The following RARRES1 variants were observed in gnomAD, a reference collection of about 807,000 sequenced individuals.
The protein encoded by RARRES1 is retinoic acid receptor responder 1.
A neutral mutation model predicts 30.6 loss-of-function variants in RARRES1; 34 were observed. The ratio of observed to expected loss-of-function variants is 1.11; its 90% confidence interval spans 0.84 to 1.48. RARRES1 has a LOEUF of 1.48. Among genes scored for constraint, RARRES1 ranks in the 40% most tolerant of loss-of-function variants. The pLI is 0.00. For synonymous variants in RARRES1, 153 were observed against 155.5 expected (o/e 0.98, Z 0.12); for missense variants, 373 against 386.5 (o/e 0.97, Z 0.29).
chr3:158,707,646 T>A (rs1726970047), intron 3 of RARRES1, among the ~76,000 whole-genome samples: 1 of 152,176 alleles, frequency 6.6e-6, no homozygotes, highest in African/African-American at 2.4e-5. Flanking sequence ...TGCATGAGGC[T>A]GGGATGTGGG....
chr3:158,715,556 T>C (rs1291499012), intron 1 of RARRES1, among the ~76,000 whole-genome samples: 1 of 152,122 alleles, frequency 6.6e-6, no homozygotes, highest in Non-Finnish European at 1.5e-5. Context: ...ACACAGGGCG[T>C]TGTGAACAGT....
intron 2 of RARRES1, among the ~76,000 whole-genome samples, chr3:158,712,607 A>C (rs1727173034): frequency 6.6e-6 from 1 of 152,098 alleles, no homozygotes; most frequent in Admixed American, 6.6e-5. Flanking sequence ...GAAGAGGCTT[A>C]TGAAAGGGCA....
At chr3:158,727,700 G>T (rs541688631) in intron 1 of RARRES1, among the ~76,000 whole-genome samples, 15 of 152,192 alleles carry the variant, frequency 9.9e-5, no homozygotes, top group Non-Finnish European at 1.9e-4. Context: ...CCAACTGTGG[G>T]TCCTGAGCCT....
intron 4 of RARRES1, among the ~76,000 whole-genome samples, chr3:158,701,624 A>G (rs1370842885): frequency 1.3e-5 from 2 of 152,172 alleles, no homozygotes; most frequent in African/African-American, 4.8e-5. Context: ...CTCTCAGAAC[A>G]GTATTTAGAC....
chr3:158,727,758 G>T (rs1218850950), intron 1 of RARRES1, among the ~76,000 whole-genome samples: 9 of 152,206 alleles, frequency 5.9e-5, no homozygotes, highest in African/African-American at 2.2e-4. Context: ...TTATGGAAAG[G>T]TAGTGTAAGG....
At chr3:158,709,189 C>G (rs915073486) in intron 3 of RARRES1, among the ~76,000 whole-genome samples, 3 of 152,102 alleles carry the variant, frequency 2.0e-5, no homozygotes, top group African/African-American at 7.2e-5. Flanking sequence ...ATAGAATGGT[C>G]CCTATGGATA....
chr3:158,724,271 A>T (rs1727604710), intron 1 of RARRES1, among the ~76,000 whole-genome samples: 1 of 152,176 alleles, frequency 6.6e-6, no homozygotes, highest in Non-Finnish European at 1.5e-5. Context: ...TAGGCTGAAT[A>T]ATGCCCCCCC....
intron 1 of RARRES1, among the ~76,000 whole-genome samples, chr3:158,718,266 C>T (rs1727389573): frequency 6.6e-6 from 1 of 152,178 alleles, no homozygotes; most frequent in African/African-American, 2.4e-5. Context: ...GTGTGAGCCA[C>T]TGTGCCTGGC....
At chr3:158,724,525 G>T (rs908666107) in intron 1 of RARRES1, among the ~76,000 whole-genome samples, 3 of 152,244 alleles carry the variant, frequency 2.0e-5, no homozygotes, top group Non-Finnish European at 2.9e-5. Context: ...GAGCACAGGT[G>T]GTCTCTAGAA....
At chr3:158,720,233 G>GCTGGTGTGTGTGTGTGTGTGTGTGTGTGT (rs1727461746) in intron 1 of RARRES1, among the ~76,000 whole-genome samples, 1 of 139,266 alleles carries the variant, frequency 7.2e-6, no homozygotes, top group African/African-American at 2.8e-5. Context: ...GCTGGCTGCT[G>GCTGGTGTGTGTGTGTGTGTGTGTGTGTGT]GTGTGTGTGT....
rs557362989 is a variant in RARRES1 at position 158,713,726 on chromosome 3, T to G, written c.339+71A>C. 7 of 1,409,382 alleles carry G rather than the reference T, an allele frequency of 5.0e-6. No individual in the cohort carries two copies. The African/African-American group carries it at 5.7e-5, about 12-fold the overall frequency. 87.3% of individuals were successfully genotyped at this position (1,409,382 alleles called of 1,614,324 possible). On this transcript the variant is annotated intron_variant, in intron 2 of 5. Coordinates refer to ENST00000237696, the MANE Select transcript of RARRES1 (RefSeq NM_206963.2). ...ACCTCCAGATCACTATATATTAAGA[T>G]TCTCACTTTTTTACAAAGCCATATT...
chr3:158,709,367 C>T (rs971404248), intron 3 of RARRES1, among the ~76,000 whole-genome samples: 3 of 152,132 alleles, frequency 2.0e-5, no homozygotes, highest in African/African-American at 7.2e-5. Context: ...GAAAACAATT[C>T]CTAAATAAGT....
chr3:158,724,159 A>G (rs1727601577), intron 1 of RARRES1, among the ~76,000 whole-genome samples: 1 of 152,108 alleles, frequency 6.6e-6, no homozygotes, highest in Admixed American at 6.5e-5. Flanking sequence ...TCAGCAAGAC[A>G]GGAGGTGGGA....
At chr3:158,727,794 G>C (rs1191325947) in intron 1 of RARRES1, among the ~76,000 whole-genome samples, 1 of 152,164 alleles carries the variant, frequency 6.6e-6, no homozygotes, top group Non-Finnish European at 1.5e-5. Flanking sequence ...ATCAGGTGGG[G>C]GCAGTGAGGG....
chr3:158,701,757 G>T (rs373266246), intron 4 of RARRES1, among the ~76,000 whole-genome samples: 1 of 152,156 alleles, frequency 6.6e-6, no homozygotes, highest in Admixed American at 6.5e-5. Context: ...TTGTGGATAT[G>T]TGCATACTTT....
Position 158,700,223 on chromosome 3 carries a change from G to GTA in RARRES1, c.673-2255_673-2254dup, listed in dbSNP as rs201043411. On this transcript the variant is annotated intron_variant, in intron 4 of 5. Transcript: ENST00000237696. ...AATAAGTGTGTGTGTGTGTGTGTGT[G>GTA]TATATATATATATATAAATTGGTTT... 2.6e-3 allele frequency among the ~76,000 whole-genome samples: 383 copies of GTA among 147,334 alleles called. 2 individuals are homozygous for GTA. Among genetic ancestry groups the GTA allele is most frequent in the African/African-American group, 6.1e-3 (229 of 37,848 alleles).
At position 158,710,863 on chromosome 3, in the gene RARRES1, G is replaced by C. The variant is rs767285719; in HGVS notation, c.410C>G (p.Pro137Arg). 3 of 1,613,520 alleles carry C rather than the reference G, an allele frequency of 1.9e-6. No individual in the cohort carries two copies. The African/African-American group carries it at 4.0e-5, about 22-fold the overall frequency. Residue 137 changes from proline (P) to arginine (R), a missense_variant, in exon 3 of 6, where the codon CCC (proline) becomes CGC (arginine). Pro to Arg is a moderately radical substitution (Grantham distance 103, BLOSUM62 -2). Coordinates refer to ENST00000237696, the MANE Select transcript of RARRES1 (RefSeq NM_206963.2). ...SARVFFKNQKPRPTINVTCTR... is the reference protein window; with the variant it reads ...SARVFFKNQKRRPTINVTCTR... ...ACAAGTTACATTGATGGTTGGTCTG[G>C]GTTTCTGATTCTTGAAAAACACTCG...
intron 4 of RARRES1, among the ~76,000 whole-genome samples, chr3:158,699,441 C>CG (rs377479542): frequency 7.9e-5 from 12 of 150,968 alleles, no homozygotes; most frequent in Non-Finnish European, 1.5e-4. Context: ...GCAACCCCCC[C>CG]CCCACCAAAA....
intron 1 of RARRES1, among the ~76,000 whole-genome samples, chr3:158,730,893 C>T (rs996804525): frequency 6.6e-6 from 1 of 152,210 alleles, no homozygotes; most frequent in Non-Finnish European, 1.5e-5. Flanking sequence ...AAGCGATTCT[C>T]CTGCCTCAGC....
Sources: gnomAD v4.1 joint callset for allele counts (sites outside exome capture counted in the v4.1 genomes callset) on GRCh38, gnomAD v4.1.1 for gene constraint, MANE v1.5 for transcripts, NCBI Gene and HGNC (gene_info 2026-07-23, HGNC 2026-07-21) for gene names.